ARMC9: variants seen among roughly 807,000 people sequenced by gnomAD.
ARMC9 encodes lisH domain-containing protein ARMC9.
ARMC9 carries 94 observed loss-of-function variants against 107.0 expected under a neutral mutation model. The ratio of observed to expected loss-of-function variants is 0.88; its 90% confidence interval spans 0.74 to 1.04. The LOEUF is 1.04. ARMC9 is among the 50% of genes least tolerant of loss of function. ARMC9 has a pLI of 0.00. For missense variants in ARMC9, 942 were observed against 1,030.1 expected, an observed-to-expected ratio of 0.91 and a Z score of 1.17; for synonymous variants, 380 against 396.9, an observed-to-expected ratio of 0.96 and a Z score of 0.51.
At chr2:231,336,223 T>C (rs1343708188) in intron 20 of ARMC9, among the ~76,000 whole-genome samples, 1 of 151,858 alleles carries the variant, frequency 6.6e-6, no homozygotes, top group African/African-American at 2.4e-5. Context: ...CTTTTTTTTT[T>C]TTTTAATTTC....
In ARMC9 at chr2:231,313,330, T is replaced by A. The variant is rs184123452; in HGVS notation, c.1773+17077T>A. Among the ~76,000 whole-genome samples the A allele has an allele frequency of 6.6e-5, 10 of 152,380 alleles. 1 individual carries two copies. The highest frequency in any genetic ancestry group is 5.2e-4 in the Admixed American group (8 of 15,308). The stretch of plus-strand genomic sequence containing the variant: ...GTTTGCATGACATGTTTTATTCTTT[T>A]ACTTTCAACCTATTCGTGTCTTTTA... On this transcript the variant is annotated intron_variant, in intron 19 of 24. Coordinates refer to ENST00000611582, the MANE Select transcript of ARMC9 (RefSeq NM_001352754.2).
chr2:231,287,617 A>G (rs2040692963), intron 17 of ARMC9, among the ~76,000 whole-genome samples: 2 of 152,200 alleles, frequency 1.3e-5, no homozygotes, highest in South Asian at 4.2e-4. Context: ...TCCTAGGCTC[A>G]AGCGATTCTC....
At chr2:231,209,766 C>G (rs732079) in intron 3 of ARMC9, among the ~76,000 whole-genome samples, 43,695 of 151,860 alleles carry the variant, frequency 0.29, 6,599 homozygotes, top group African/African-American at 0.37. Flanking sequence ...AAACTCCTGA[C>G]CTTTGGTGAT....
chr2:231,273,122 A>C (rs759806032), intron 14 of ARMC9, 44 bp downstream of exon 14: 1 of 1,580,850 alleles, frequency 6.3e-7, no homozygotes, highest in Non-Finnish European at 8.6e-7. Context: ...GTGAGATCAG[A>C]TTGAGTTAAA....
intron 23 of ARMC9, among the ~76,000 whole-genome samples, chr2:231,364,987 G>T (rs1164618049): frequency 3.3e-5 from 5 of 152,226 alleles, no homozygotes; most frequent in African/African-American, 1.2e-4. Context: ...GATGCAGTGG[G>T]AGGTGGGGTG....
intron 7 of ARMC9, among the ~76,000 whole-genome samples, chr2:231,233,200 A>G (rs951531072): frequency 2.6e-5 from 4 of 152,240 alleles, no homozygotes; most frequent in Non-Finnish European, 5.9e-5. Context: ...CTGTATATAA[A>G]CAGTAATCAA....
chr2:231,200,275 G>A (rs2030637798), intron 1 of ARMC9, among the ~76,000 whole-genome samples: 1 of 152,160 alleles, frequency 6.6e-6, no homozygotes, highest in Admixed American at 6.5e-5. Context: ...CATCCCCTCA[G>A]CTCCGGCTTC....
At chr2:231,274,122 G>C (rs888938034) in intron 14 of ARMC9, among the ~76,000 whole-genome samples, 1 of 152,078 alleles carries the variant, frequency 6.6e-6, no homozygotes, top group Non-Finnish European at 1.5e-5. Flanking sequence ...ACATCATATT[G>C]TTTGTTTGTT....
chr2:231,227,190 C>T (rs1256886800), intron 7 of ARMC9, among the ~76,000 whole-genome samples: 1 of 152,090 alleles, frequency 6.6e-6, no homozygotes, highest in African/African-American at 2.4e-5. Context: ...CTGGGGTCTT[C>T]GAAGACATAT....
intron 21 of ARMC9, 116 bp downstream of exon 21, chr2:231,345,206 A>C (rs1315764998): frequency 6.0e-6 from 9 of 1,509,218 alleles, no homozygotes; most frequent in Non-Finnish European, 7.9e-6. Flanking sequence ...AAAAGCATTT[A>C]TCTCTTTATT....
chr2:231,280,322 G>A (rs2040108261), intron 16 of ARMC9, among the ~76,000 whole-genome samples: 1 of 152,156 alleles, frequency 6.6e-6, no homozygotes, highest in African/African-American at 2.4e-5. Flanking sequence ...GCCAGGCATG[G>A]TGGCTTGTGC....
At chr2:231,268,073 T>C (rs2039007316) in intron 12 of ARMC9, among the ~76,000 whole-genome samples, 1 of 152,180 alleles carries the variant, frequency 6.6e-6, no homozygotes, top group Admixed American at 6.5e-5. Flanking sequence ...CACAGACATA[T>C]TGTTGAATGA....
At chr2:231,303,561 G>C (rs1473816793) in intron 19 of ARMC9, among the ~76,000 whole-genome samples, 1 of 152,194 alleles carries the variant, frequency 6.6e-6, no homozygotes, top group Non-Finnish European at 1.5e-5. Context: ...GTTGGGTTTT[G>C]TTAAATGCTT....
intron 18 of ARMC9, among the ~76,000 whole-genome samples, chr2:231,292,936 A>G (rs1020672436): frequency 1.3e-5 from 2 of 152,172 alleles, no homozygotes; most frequent in Non-Finnish European, 2.9e-5. Flanking sequence ...ATTAAATCAG[A>G]ACCTCTCAGA....
chr2:231,339,694 C>A (rs1241773276), intron 20 of ARMC9, among the ~76,000 whole-genome samples: 2 of 152,222 alleles, frequency 1.3e-5, no homozygotes, highest in Non-Finnish European at 2.9e-5. Flanking sequence ...AATCCCAACA[C>A]CTTGGGAGGC....
At chr2:231,274,213 G>A (rs1246339031) in intron 14 of ARMC9, among the ~76,000 whole-genome samples, 3 of 152,116 alleles carry the variant, frequency 2.0e-5, no homozygotes, top group African/African-American at 7.2e-5. Context: ...CGCCTCCCGG[G>A]TTCAACCAAT....
chr2:231,370,772 C>T, intron 24 of ARMC9: 1 of 228,832 alleles, frequency 4.4e-6, no homozygotes, highest in Non-Finnish European at 8.9e-6. Flanking sequence ...GATAGCCCCT[C>T]CACCTCCACG....
chr2:231,324,123 C>CTTTTTTTTT (rs71296842), intron 19 of ARMC9, among the ~76,000 whole-genome samples: 231 of 89,202 alleles, frequency 2.6e-3, no homozygotes, highest in Non-Finnish European at 2.8e-3. Flanking sequence ...TTGTAAAGTA[C>CTTTTTTTTT]TTTTTTTTTT....
At chr2:231,264,964 G>A (rs1482154238) in intron 12 of ARMC9, among the ~76,000 whole-genome samples, 6 of 152,138 alleles carry the variant, frequency 3.9e-5, no homozygotes, top group Non-Finnish European at 8.8e-5. Flanking sequence ...CAGACGTGGT[G>A]GCACGCACCT....
Sources: allele counts gnomAD v4.1 joint callset (sites outside exome capture counted in the v4.1 genomes callset), GRCh38; gene constraint gnomAD v4.1.1; transcripts MANE v1.5; gene names NCBI Gene and HGNC (gene_info 2026-07-23, HGNC 2026-07-21).